Variants in PDE10A observed in about 807,000 individuals in gnomAD.
PDE10A encodes cAMP and cAMP-inhibited cGMP 3',5'-cyclic phosphodiesterase 10A.
Under a neutral mutation model 97.7 loss-of-function variants are expected in PDE10A, and 39 were observed. That is an observed-to-expected ratio of 0.40 (90% CI 0.31 to 0.52). The LOEUF is 0.52. PDE10A is among the 20% of genes least tolerant of loss of function. PDE10A has a pLI of 0.56. For missense variants in PDE10A, 731 were observed against 1,047.8 expected (o/e 0.70, Z 4.17); for synonymous variants, 371 against 376.8 (o/e 0.98, Z 0.18).
At chr6:165,436,145 T>C (rs540260015) in intron 5 of PDE10A, among the ~76,000 whole-genome samples, 36 of 152,220 alleles carry the variant, frequency 2.4e-4, no homozygotes, top group Non-Finnish European at 4.7e-4. Context: ...AATTGTATCA[T>C]GATTATCTAC....
rs1554297071 is a variant in PDE10A at position 165,621,771 on chromosome 6, A to AAAG, written c.865+40173_865+40175dup. Among the ~76,000 whole-genome samples, 211 of 134,788 alleles carry AAAG rather than the reference A, an allele frequency of 1.6e-3. 1 individual carries two copies. Among genetic ancestry groups the AAAG allele is most frequent in the African/African-American group, 5.2e-3 (194 of 37,266 alleles). 88.4% of individuals were successfully genotyped at this position (134,788 alleles called of 152,430 possible). A position where few individuals can be genotyped will look rare whatever the true frequency, so the allele number is the denominator to read the frequency against. On this transcript the variant is annotated intron_variant, in intron 1 of 21. Transcript: ENST00000539869. Reference sequence around the variant, plus strand: ...GACTCTTATCTAAAAAAGAAAAAAAAAAGAAGAAGAAGAAGAAACACAGGA... The same window carrying AAAG: ...GACTCTTATCTAAAAAAGAAAAAAAAAAGAAGAAGAAGAAGAAGAAACACAGGA...
At chr6:165,647,063 A>G (rs1194507334) in intron 1 of PDE10A, among the ~76,000 whole-genome samples, 2 of 152,348 alleles carry the variant, frequency 1.3e-5, no homozygotes, top group East Asian at 3.9e-4. Context: ...CATGATGGGC[A>G]CATTCTCACC....
chr6:165,399,999 G>A lies in PDE10A; in HGVS notation c.2077-3540C>T, dbSNP rs182938893. ...CATCAAGGGGCACAAACGGATCAGTGGAACTAAATACAGAAATAGGACCAC... is the reference window on the plus strand; with the variant it reads ...CATCAAGGGGCACAAACGGATCAGTAGAACTAAATACAGAAATAGGACCAC... On this transcript the variant is annotated intron_variant, in intron 13 of 21. Transcript: ENST00000539869. Among the ~76,000 whole-genome samples the A allele has an allele frequency of 1.1e-4, 17 of 152,262 alleles. No homozygotes were observed. In the East Asian group the frequency reaches 3.3e-3, roughly 29 times the overall value.
intron 2 of PDE10A, among the ~76,000 whole-genome samples, chr6:165,492,471 C>A (rs116798412): frequency 6.6e-6 from 1 of 152,116 alleles, no homozygotes; most frequent in African/African-American, 2.4e-5. Context: ...CTAACCAAAT[C>A]CAACATCATG....
intron 1 of PDE10A, among the ~76,000 whole-genome samples, chr6:165,578,717 C>T (rs1202297046): frequency 6.6e-6 from 1 of 152,168 alleles, no homozygotes; most frequent in Non-Finnish European, 1.5e-5. Flanking sequence ...TAAAGTCCGT[C>T]TCTCCAATTT....
At chr6:165,389,115 C>A (rs1785499897) in intron 16 of PDE10A, among the ~76,000 whole-genome samples, 1 of 152,012 alleles carries the variant, frequency 6.6e-6, no homozygotes, top group Non-Finnish European at 1.5e-5. Context: ...GGCGAGTGTG[C>A]CCTGAGACTC....
intron 3 of PDE10A, among the ~76,000 whole-genome samples, chr6:165,466,674 A>T (rs1010102257): frequency 1.3e-5 from 2 of 152,180 alleles, no homozygotes; most frequent in African/African-American, 4.8e-5. Flanking sequence ...ACAGTCAGTG[A>T]TATTTAATCA....
chr6:165,702,115 C>T (rs893231437), intron 1 of PDE10A, among the ~76,000 whole-genome samples: 2 of 152,198 alleles, frequency 1.3e-5, no homozygotes, highest in Non-Finnish European at 2.9e-5. Context: ...ATGTTTGAAC[C>T]TCCGAAGGGT....
At chr6:165,555,270 C>T (rs1240806389) in intron 1 of PDE10A, among the ~76,000 whole-genome samples, 2 of 152,138 alleles carry the variant, frequency 1.3e-5, no homozygotes, top group African/African-American at 4.8e-5. Flanking sequence ...CAAAATCTCT[C>T]ACGTACGCCA....
chr6:165,685,529 C>T (rs1203244044), intron 1 of PDE10A, among the ~76,000 whole-genome samples: 3 of 152,054 alleles, frequency 2.0e-5, no homozygotes, highest in South Asian at 2.1e-4. Flanking sequence ...GGAAATTCTG[C>T]CTGTTCTTCT....
At chr6:165,457,496 T>C (rs1270817124) in intron 3 of PDE10A, among the ~76,000 whole-genome samples, 2 of 152,172 alleles carry the variant, frequency 1.3e-5, no homozygotes, top group African/African-American at 2.4e-5. Context: ...ACGATAGAAC[T>C]GTAGTGATCT....
At chr6:165,862,316 C>A (rs117845850) in intron 1 of PDE10A, among the ~76,000 whole-genome samples, 1 of 152,172 alleles carries the variant, frequency 6.6e-6, no homozygotes, top group Non-Finnish European at 1.5e-5. Context: ...GGGAAGGTTT[C>A]ATGTCCAAGC....
At chr6:165,534,094 T>C (rs1473333490) in intron 2 of PDE10A, among the ~76,000 whole-genome samples, 1 of 151,836 alleles carries the variant, frequency 6.6e-6, no homozygotes, top group East Asian at 1.9e-4. Context: ...CAAAACCAGA[T>C]ATGACAAAGG....
At chr6:165,650,024 G>A (rs1789598200) in intron 1 of PDE10A, among the ~76,000 whole-genome samples, 1 of 152,304 alleles carries the variant, frequency 6.6e-6, no homozygotes, top group Non-Finnish European at 1.5e-5. Context: ...GGGTAGTGAT[G>A]CGTGCAATTT....
At chr6:165,555,994 T>C (rs1188422658) in intron 1 of PDE10A, among the ~76,000 whole-genome samples, 1 of 151,846 alleles carries the variant, frequency 6.6e-6, no homozygotes, top group Non-Finnish European at 1.5e-5. Flanking sequence ...TTGAAAAAAC[T>C]TGCAGACGAA....
chr6:165,981,386 C>T (rs1415065993), intron 1 of PDE10A, among the ~76,000 whole-genome samples: 1 of 152,158 alleles, frequency 6.6e-6, no homozygotes, highest in African/African-American at 2.4e-5. Context: ...ATGTTCATTT[C>T]TTCCCAAAAT....
At chr6:165,440,211 T>C (rs1790337573) in intron 5 of PDE10A, among the ~76,000 whole-genome samples, 2 of 152,222 alleles carry the variant, frequency 1.3e-5, no homozygotes, top group African/African-American at 4.8e-5. Context: ...TAACTTTGTT[T>C]CCATAATTCT....
intron 1 of PDE10A, among the ~76,000 whole-genome samples, chr6:165,686,346 A>T (rs1199967461): frequency 6.6e-6 from 1 of 152,012 alleles, no homozygotes; most frequent in Admixed American, 6.5e-5. Flanking sequence ...TTCCCTGTGC[A>T]TCGGACTCTC....
At chr6:165,838,391 T>C (rs972006936) in intron 1 of PDE10A, among the ~76,000 whole-genome samples, 2 of 152,212 alleles carry the variant, frequency 1.3e-5, no homozygotes, top group African/African-American at 4.8e-5. Flanking sequence ...ATAATATTTT[T>C]CCACTTTTTA....
Sources: allele counts gnomAD v4.1 joint callset (sites outside exome capture counted in the v4.1 genomes callset), GRCh38; gene constraint gnomAD v4.1.1; transcripts MANE v1.5; gene names NCBI Gene and HGNC (gene_info 2026-07-23, HGNC 2026-07-21).